RALGAPA2: variants seen among roughly 807,000 people sequenced by gnomAD.
RALGAPA2 encodes the protein Ral GTPase activating protein catalytic subunit alpha 2.
In RALGAPA2, 139 loss-of-function variants were observed where a neutral mutation model predicts 230.4. The ratio of observed to expected loss-of-function variants is 0.60; its 90% CI spans 0.53 to 0.69. The LOEUF (loss-of-function observed/expected upper bound fraction) is 0.69. Ranked by LOEUF, RALGAPA2 falls within the 30% of genes least tolerant of loss-of-function variation. RALGAPA2 has a pLI of 0.00. For synonymous variants in RALGAPA2, 847 were observed against 837.8 expected (o/e 1.01, Z -0.19); for missense variants, 2,163 against 2,276.0 (o/e 0.95, Z 1.01).
chr20:20,471,258 A>T (rs2061533878), intron 37 of RALGAPA2: 2 of 152,164 alleles, frequency 1.3e-5, no homozygotes, highest in Admixed American at 1.3e-4. Flanking sequence ...TGATCATTCC[A>T]ATTGTATCAC....
chr20:20,643,640 T>C, intron 4 of RALGAPA2, 91 bp from the exon 5 acceptor site: 1 of 1,175,398 alleles, frequency 8.5e-7, no homozygotes, highest in East Asian at 3.0e-5. Context: ...GACAAAAATA[T>C]ACTTTTTAAA....
At chr20:20,425,579 T>C (rs2060365667) in intron 37 of RALGAPA2, among the ~76,000 whole-genome samples, 1 of 152,062 alleles carries the variant, frequency 6.6e-6, no homozygotes, top group Non-Finnish European at 1.5e-5. Flanking sequence ...CCAAGAAAAG[T>C]TAGGGGTTTA....
At chr20:20,517,060 T>A (rs1291493520) in intron 31 of RALGAPA2, among the ~76,000 whole-genome samples, 1 of 152,148 alleles carries the variant, frequency 6.6e-6, no homozygotes, top group African/African-American at 2.4e-5. Flanking sequence ...TCCACCACCA[T>A]AGACACAACT....
intron 36 of RALGAPA2, among the ~76,000 whole-genome samples, chr20:20,476,940 T>C (rs1214617466): frequency 1.3e-5 from 2 of 152,038 alleles, no homozygotes; most frequent in Non-Finnish European, 2.9e-5. Flanking sequence ...AATCCAAATA[T>C]AATGACAAGT....
chr20:20,594,096 T>C (rs771628879), intron 16 of RALGAPA2, among the ~76,000 whole-genome samples: 2 of 152,168 alleles, frequency 1.3e-5, no homozygotes, highest in Non-Finnish European at 2.9e-5. Flanking sequence ...GGGTTGTAGG[T>C]GCCCTGAGCT....
At chr20:20,680,339 G>A (rs1363723762) in intron 2 of RALGAPA2, among the ~76,000 whole-genome samples, 1 of 152,222 alleles carries the variant, frequency 6.6e-6, no homozygotes, top group Non-Finnish European at 1.5e-5. Context: ...TCTGCAAGCA[G>A]GGCAAAACAG....
At chr20:20,602,939 G>A (rs1254342046) in intron 15 of RALGAPA2, among the ~76,000 whole-genome samples, 1 of 152,052 alleles carries the variant, frequency 6.6e-6, no homozygotes, top group Non-Finnish European at 1.5e-5. Flanking sequence ...GGCCTGAAAG[G>A]TATCCTTAGC....
At chr20:20,624,328 C>CAAAAA (rs748683871) in intron 10 of RALGAPA2, among the ~76,000 whole-genome samples, 9 of 49,026 alleles carry the variant, frequency 1.8e-4, no homozygotes, top group Non-Finnish European at 3.6e-4. Flanking sequence ...ACTCCATCTC[C>CAAAAA]AAAAAAAAAA....
At chr20:20,440,199 C>T (rs1329461409) in intron 37 of RALGAPA2, among the ~76,000 whole-genome samples, 1 of 152,022 alleles carries the variant, frequency 6.6e-6, no homozygotes, top group Non-Finnish European at 1.5e-5. Context: ...ATAGAGAAAG[C>T]AAAATGACCT....
At chr20:20,476,522 A>G (rs940843051) in intron 36 of RALGAPA2, among the ~76,000 whole-genome samples, 2 of 151,864 alleles carry the variant, frequency 1.3e-5, no homozygotes, top group Non-Finnish European at 2.9e-5. Context: ...GTGAACCTTG[A>G]CCTTCATCTC....
chr20:20,567,143 GA>G (rs1440116617), intron 23 of RALGAPA2, among the ~76,000 whole-genome samples: 5 of 152,128 alleles, frequency 3.3e-5, no homozygotes, highest in Non-Finnish European at 7.4e-5. Context: ...TTTAAGCAAA[GA>G]AAACCTTCCA....
chr20:20,484,353 C>T (rs1211604588), intron 36 of RALGAPA2, among the ~76,000 whole-genome samples: 2 of 152,068 alleles, frequency 1.3e-5, no homozygotes, highest in African/African-American at 4.8e-5. Context: ...AAGGGGAAGG[C>T]CATGCACCAC....
chr20:20,617,546 TG>T (rs1473995155), intron 12 of RALGAPA2, among the ~76,000 whole-genome samples: 9 of 152,360 alleles, frequency 5.9e-5, no homozygotes, highest in Admixed American at 2.0e-4. Context: ...TCAATGTATT[TG>T]GCTTCTTGAA....
At chr20:20,507,819 C>A (rs1312381154) in intron 33 of RALGAPA2, among the ~76,000 whole-genome samples, 3 of 152,178 alleles carry the variant, frequency 2.0e-5, no homozygotes, top group Admixed American at 1.3e-4. Flanking sequence ...AATTTGGGCA[C>A]TTGGATAATA....
chr20:20,526,729 T>C (rs2063215407), intron 27 of RALGAPA2, among the ~76,000 whole-genome samples: 1 of 152,228 alleles, frequency 6.6e-6, no homozygotes, highest in Admixed American at 6.5e-5. Context: ...TTACAAGGAT[T>C]TTACTCATTC....
At chr20:20,638,070 T>A (rs1309610210) in intron 7 of RALGAPA2, among the ~76,000 whole-genome samples, 1 of 152,246 alleles carries the variant, frequency 6.6e-6, no homozygotes, top group Non-Finnish European at 1.5e-5. Context: ...TAAGTTTAAA[T>A]GTTTCATTGT....
intron 2 of RALGAPA2, among the ~76,000 whole-genome samples, chr20:20,677,673 T>C (rs2068381533): frequency 7.9e-6 from 1 of 126,430 alleles, no homozygotes; most frequent in South Asian, 3.0e-4. Context: ...AGATGGAGTC[T>C]CACTCTGTCA....
intron 39 of RALGAPA2, among the ~76,000 whole-genome samples, chr20:20,395,093 C>T (rs964462067): frequency 3.3e-5 from 5 of 152,186 alleles, no homozygotes; most frequent in African/African-American, 9.7e-5. Context: ...AGCTTTGTCC[C>T]GCTGAGTGAG....
chr20:20,435,301 G>A (rs550823434), intron 37 of RALGAPA2, among the ~76,000 whole-genome samples: 3 of 152,318 alleles, frequency 2.0e-5, no homozygotes, highest in African/African-American at 4.8e-5. Context: ...AGTCCATGAC[G>A]CAGAGGCAGA....
Sources: allele counts gnomAD v4.1 joint callset (sites outside exome capture counted in the v4.1 genomes callset), GRCh38; gene constraint gnomAD v4.1.1; transcripts MANE v1.5; gene names NCBI Gene and HGNC (gene_info 2026-07-23, HGNC 2026-07-21).